Variants in STAG2 observed in about 807,000 individuals in gnomAD.
The protein encoded by STAG2 is STAG2 cohesin complex component.
Under a neutral mutation model 108.1 loss-of-function variants are expected in STAG2, and 14 were observed. The ratio of observed to expected loss-of-function variants is 0.13; its 90% CI spans 0.09 to 0.20. STAG2 has a LOEUF of 0.20. Among genes scored for constraint, STAG2 ranks in the 10% least tolerant of loss-of-function variants. The pLI is 1.00. For missense variants in STAG2, 440 were observed against 940.9 expected (o/e 0.47, Z 6.96); for synonymous variants, 307 against 302.7 (o/e 1.01, Z -0.15).
At chrX:123,991,725 C>T (rs1210254239) in intron 1 of STAG2, among the ~76,000 whole-genome samples, 1 of 107,071 alleles carries the variant, frequency 9.3e-6, no homozygotes, top group Non-Finnish European at 1.9e-5. Context: ...AGTGCAATGG[C>T]GCGATCTCGG....
chrX:124,080,779 A>T (rs936083294), intron 27 of STAG2, among the ~76,000 whole-genome samples: 1 of 111,978 alleles, frequency 8.9e-6, no homozygotes, highest in Non-Finnish European at 1.9e-5. Flanking sequence ...AAGCAGGATG[A>T]TTAGCATATC....
At chrX:123,968,475 C>T (rs1257068539) in intron 1 of STAG2, among the ~76,000 whole-genome samples, 1 of 111,081 alleles carries the variant, frequency 9.0e-6, no homozygotes, top group African/African-American at 3.3e-5. Flanking sequence ...TCCTGGGCAA[C>T]GTAGGGAGAC....
chrX:124,064,400 T>C (rs1427917230), intron 20 of STAG2, among the ~76,000 whole-genome samples: 1 of 109,707 alleles, frequency 9.1e-6, no homozygotes, highest in Non-Finnish European at 1.9e-5. Flanking sequence ...AAAAGTAGAG[T>C]ATTTCTAAGT....
intron 1 of STAG2, among the ~76,000 whole-genome samples, chrX:123,985,566 GTATTTTT>G (rs941518390): frequency 5.5e-5 from 6 of 109,800 alleles, no homozygotes; most frequent in Non-Finnish European, 9.5e-5. Flanking sequence ...AGGTCTTATG[GTATTTTT>G]TATTTTTTAT....
rs1325210793 is a variant in STAG2 at position 124,098,255 on chromosome X, T to G, written c.3784-2319T>G. Among the ~76,000 whole-genome samples the G allele has an allele frequency of 2.7e-5, 3 of 111,428 alleles. No individual in the cohort carries two copies. In the East Asian group the frequency reaches 8.4e-4, roughly 31 times the overall value. On this transcript the variant is annotated intron_variant, in intron 34 of 34. Coordinates refer to ENST00000371145, the MANE Select transcript of STAG2 (RefSeq NM_001042750.2). ...TACAAAAATTAGGAAAATTAGCACATGTACTTATAACTGTAGTTTTATAGC... is the reference window on the plus strand; with the variant it reads ...TACAAAAATTAGGAAAATTAGCACAGGTACTTATAACTGTAGTTTTATAGC...
intron 13 of STAG2, among the ~76,000 whole-genome samples, chrX:124,053,796 A>G (rs944687526): frequency 2.7e-5 from 3 of 112,248 alleles, no homozygotes; most frequent in African/African-American, 9.7e-5. Context: ...ATAAAATACC[A>G]TAAACTGAGA....
At chrX:123,975,511 G>A (rs1033967022) in intron 1 of STAG2, among the ~76,000 whole-genome samples, 10 of 112,199 alleles carry the variant, frequency 8.9e-5, no homozygotes, top group Non-Finnish European at 1.9e-4. Flanking sequence ...TGCCCAGGCT[G>A]GAGTGCAATG....
intron 25 of STAG2, among the ~76,000 whole-genome samples, chrX:124,073,612 G>T (rs891617782): frequency 9.0e-6 from 1 of 111,591 alleles, no homozygotes; most frequent in East Asian, 2.8e-4. Flanking sequence ...TAGTAGAGAC[G>T]AGGTCTCGCT....
intron 1 of STAG2, among the ~76,000 whole-genome samples, chrX:123,978,864 A>G (rs910917): frequency 0.15 from 16,119 of 111,052 alleles, 1,111 homozygotes; most frequent in South Asian, 0.36. Context: ...TTTGGTCCCA[A>G]GCATTTTGGA....
chrX:124,054,597 ATCT>A (rs974642001), intron 13 of STAG2, among the ~76,000 whole-genome samples: 2 of 112,117 alleles, frequency 1.8e-5, no homozygotes, highest in South Asian at 3.7e-4. Context: ...CACTAGAAAC[ATCT>A]TCTTTCTGAT....
Position 123,965,366 on chromosome X carries a change from C to T in STAG2, c.-163+3510C>T, listed in dbSNP as rs2054048871. ...TATATTTAGTTAGGATTTTTTAAAG[C>T]CCAAATGCTCAAATAAGATTTTCAT... On this transcript the variant is annotated intron_variant, in intron 1 of 34. Coordinates refer to ENST00000371145, the MANE Select transcript of STAG2 (RefSeq NM_001042750.2). Among the ~76,000 whole-genome samples, 3 of 111,497 alleles carry T rather than the reference C, an allele frequency of 2.7e-5. No individual in the cohort carries two copies. The Admixed American group carries it at 2.9e-4, about 11-fold the overall frequency.
intron 15 of STAG2, 134 bp downstream of exon 15, chrX:124,058,111 ACTCCCCC>A: frequency 2.8e-5 from 7 of 251,858 alleles, no homozygotes; most frequent in African/African-American, 1.6e-4. Flanking sequence ...CCACTCCCCC[ACTCCCCC>A]AATTTTTTTT....
intron 25 of STAG2, among the ~76,000 whole-genome samples, chrX:124,074,032 A>G (rs145385109): frequency 1.4e-3 from 162 of 112,277 alleles, no homozygotes; most frequent in African/African-American, 5.1e-3. Flanking sequence ...ATTCTTGCTA[A>G]CTTCCATGTA....
chrX:124,008,755 G>A lies in STAG2; in HGVS notation c.-162-12612G>A, dbSNP rs2056395401. Among the ~76,000 whole-genome samples, 3 of 111,811 alleles carry A rather than the reference G, an allele frequency of 2.7e-5. No individual in the cohort carries two copies. The South Asian group carries it at 1.1e-3, about 42-fold the overall frequency. ...TTTCATGATGAAAAGATCATTTTGA[G>A]TATTTTTGCCAAAATAATAATCATA... On this transcript the variant is annotated intron_variant, in intron 1 of 34. Coordinates refer to ENST00000371145, the MANE Select transcript of STAG2 (RefSeq NM_001042750.2).
intron 24 of STAG2, among the ~76,000 whole-genome samples, chrX:124,069,310 A>G (rs1421230794): frequency 8.9e-6 from 1 of 112,275 alleles, no homozygotes; most frequent in Non-Finnish European, 1.9e-5. Flanking sequence ...TGTTTTCACA[A>G]GCATTCCATA....
chrX:123,996,401 T>A (rs993234508), intron 1 of STAG2, among the ~76,000 whole-genome samples: 1 of 112,036 alleles, frequency 8.9e-6, no homozygotes, highest in Non-Finnish European at 1.9e-5. Context: ...AAGATATTTA[T>A]ATACAGTCTA....
intron 14 of STAG2, among the ~76,000 whole-genome samples, chrX:124,057,612 CAAAT>C (rs2058244860): frequency 1.8e-5 from 2 of 111,800 alleles, no homozygotes; most frequent in Non-Finnish European, 3.8e-5. Flanking sequence ...TTTTTAAAAA[CAAAT>C]AGTTTATAAC....
intron 5 of STAG2, among the ~76,000 whole-genome samples, chrX:124,035,784 G>A (rs1160324821): frequency 8.9e-6 from 1 of 112,004 alleles, no homozygotes; most frequent in Non-Finnish European, 1.9e-5. Flanking sequence ...ACAGTATGGC[G>A]TCTGGGTTTG....
chrX:123,968,427 A>G (rs182438842), intron 1 of STAG2, among the ~76,000 whole-genome samples: 163 of 111,912 alleles, frequency 1.5e-3, no homozygotes, highest in African/African-American at 5.3e-3. Context: ...TGGTAGGCCA[A>G]GGTGGGAAGA....
Sources: gnomAD v4.1 joint callset for allele counts (sites outside exome capture counted in the v4.1 genomes callset) on GRCh38, gnomAD v4.1.1 for gene constraint, MANE v1.5 for transcripts, NCBI Gene and HGNC (gene_info 2026-07-23, HGNC 2026-07-21) for gene names.